Variants in LAMA2 observed in about 807,000 individuals in gnomAD.
LAMA2 encodes the protein laminin subunit alpha-2.
Under a neutral mutation model 364.8 loss-of-function variants are expected in LAMA2, and 269 were observed. The ratio of observed to expected loss-of-function variants is 0.74; its 90% CI spans 0.67 to 0.82. The LOEUF is 0.82. Ranked by LOEUF, LAMA2 falls within the 40% of genes least tolerant of loss-of-function variation. The pLI is 0.00. For synonymous variants in LAMA2, 1,379 were observed against 1,370.6 expected (o/e 1.01, Z -0.14); for missense variants, 3,807 against 3,873.2 (o/e 0.98, Z 0.45).
chr6:129,215,525 G>A (rs961523348), intron 12 of LAMA2, among the ~76,000 whole-genome samples: 1 of 152,054 alleles, frequency 6.6e-6, no homozygotes, highest in African/African-American at 2.4e-5. Flanking sequence ...CTTAAGCCCA[G>A]CTCATATCTA....
In LAMA2 at chr6:129,453,008, A is replaced by T. The variant is rs370601545; in HGVS notation, c.6450A>T (p.Ser2150=). The change falls in exon 46 of 65, where the codon TCA becomes TCT. Residue 2150 remains serine (S), a synonymous_variant. Transcript: ENST00000421865. Reference sequence around the variant, plus strand: ...TAAAGATCAAAGTATCTGTGTCTTCAGGAGGTGACTGCATTCGAACATACA... The same window carrying T: ...TAAAGATCAAAGTATCTGTGTCTTCTGGAGGTGACTGCATTCGAACATACA... ...QANSIKVSVS[S]GGDCIRTYKP... 7.3e-5 allele frequency: 117 copies of T among 1,612,804 alleles called. No homozygotes were observed. In the South Asian group the frequency reaches 1.2e-3, roughly 16 times the overall value.
chr6:128,979,799 G>A (rs1194228427), intron 1 of LAMA2, among the ~76,000 whole-genome samples: 1 of 152,156 alleles, frequency 6.6e-6, no homozygotes, highest in Non-Finnish European at 1.5e-5. Context: ...AACAGACTAA[G>A]GTGGATTTTG....
At chr6:129,057,672 CTG>C (rs1182625527) in intron 2 of LAMA2, among the ~76,000 whole-genome samples, 2 of 152,070 alleles carry the variant, frequency 1.3e-5, no homozygotes, top group African/African-American at 4.8e-5. Context: ...AATGATTTGT[CTG>C]TGGTCAGTTA....
At chr6:129,449,871 C>A (rs1030195324) in intron 45 of LAMA2, among the ~76,000 whole-genome samples, 2 of 146,876 alleles carry the variant, frequency 1.4e-5, no homozygotes, top group Non-Finnish European at 3.0e-5. Context: ...GGAGCAATCT[C>A]AGCTCACTGC....
chr6:129,205,493 T>TATATATATATATATATATATATACAC (rs1343472728), intron 12 of LAMA2, among the ~76,000 whole-genome samples: 17 of 104,254 alleles, frequency 1.6e-4, no homozygotes, highest in African/African-American at 7.7e-4. Context: ...TATATATATA[T>TATATATATATATATATATATATACAC]ACACACACAC....
At chr6:129,148,853 G>T in intron 6 of LAMA2, 126 bp from the exon 7 acceptor site, 1 of 784,008 alleles carries the variant, frequency 1.3e-6, no homozygotes, top group Admixed American at 1.7e-5. Flanking sequence ...TCCCAGGCTG[G>T]CTAGTTTTAC....
At chr6:129,135,064 T>C (rs1777702774) in intron 4 of LAMA2, among the ~76,000 whole-genome samples, 2 of 152,084 alleles carry the variant, frequency 1.3e-5, no homozygotes, top group African/African-American at 4.8e-5. Flanking sequence ...CGGTAAAAAG[T>C]CTACCCCAGG....
At chr6:129,246,359 T>A (rs1454747927) in intron 12 of LAMA2, among the ~76,000 whole-genome samples, 1 of 152,238 alleles carries the variant, frequency 6.6e-6, no homozygotes, top group East Asian at 1.9e-4. Flanking sequence ...TAGCATGTTC[T>A]AAGGTTTCAA....
In LAMA2 at chr6:129,328,235, T is replaced by G. The variant is rs111764887; in HGVS notation, c.4177-43T>G. ...AAGAGCTCAAGCGTTGCTAATGCAG[T>G]ATTTCTAACTTTGCTGTCCTAATTG... On this transcript the variant is annotated intron_variant, in intron 28 of 64. Coordinates refer to ENST00000421865, the MANE Select transcript of LAMA2 (RefSeq NM_000426.4). 6.3e-5 allele frequency: 97 copies of G among 1,544,948 alleles called. 1 individual carries two copies. The highest frequency in any genetic ancestry group is 5.7e-4 in the African/African-American group (42 of 73,674).
At chr6:129,188,777 T>C (rs1781370937) in intron 10 of LAMA2, among the ~76,000 whole-genome samples, 1 of 151,980 alleles carries the variant, frequency 6.6e-6, no homozygotes, top group Admixed American at 6.6e-5. Flanking sequence ...AAAAAGTTAA[T>C]TTAAAACAAA....
At chr6:128,923,893 A>C (rs145564159) in intron 1 of LAMA2, among the ~76,000 whole-genome samples, 1 of 152,122 alleles carries the variant, frequency 6.6e-6, no homozygotes, top group African/African-American at 2.4e-5. Flanking sequence ...TATGGTTGCT[A>C]TGGCAGAGGA....
intron 1 of LAMA2, among the ~76,000 whole-genome samples, chr6:128,965,512 T>C (rs9492163): frequency 0.011 from 1,694 of 152,170 alleles, 31 homozygotes; most frequent in African/African-American, 0.039. Context: ...TGAAAGATAA[T>C]TGGGATTTTT....
intron 30 of LAMA2, 32 bp downstream of exon 30, chr6:129,342,499 A>G: frequency 1.2e-6 from 2 of 1,607,462 alleles, no homozygotes; most frequent in Non-Finnish European, 1.7e-6. Context: ...ATATTTCCCA[A>G]TCAGAAACGC....
chr6:129,246,079 T>C (rs561090948), intron 12 of LAMA2, among the ~76,000 whole-genome samples: 4 of 151,434 alleles, frequency 2.6e-5, no homozygotes, highest in African/African-American at 9.8e-5. Context: ...AAAAAGAAAA[T>C]GGACAGAAAA....
intron 56 of LAMA2, among the ~76,000 whole-genome samples, chr6:129,487,416 A>C (rs796797009): frequency 2.4e-4 from 36 of 152,360 alleles, no homozygotes; most frequent in African/African-American, 8.2e-4. Context: ...GAGAAAAAAG[A>C]AACAGAAGCC....
At chr6:129,017,499 G>A (rs1276243208) in intron 1 of LAMA2, among the ~76,000 whole-genome samples, 2 of 151,460 alleles carry the variant, frequency 1.3e-5, no homozygotes, top group African/African-American at 4.8e-5. Context: ...TGTCAGATAC[G>A]ACAGGTGAAC....
chr6:128,940,951 C>A (rs1045754573), intron 1 of LAMA2, among the ~76,000 whole-genome samples: 4 of 151,882 alleles, frequency 2.6e-5, no homozygotes, highest in African/African-American at 9.7e-5. Context: ...AGCCTGTCCC[C>A]CCCAAAATTT....
At chr6:129,251,655 G>A (rs540976310) in intron 13 of LAMA2, among the ~76,000 whole-genome samples, 3 of 152,252 alleles carry the variant, frequency 2.0e-5, no homozygotes, top group Admixed American at 1.3e-4. Flanking sequence ...TACTAAGGCC[G>A]GGTGTGGTGG....
chr6:129,412,259 C>T (rs1393972394), intron 40 of LAMA2, among the ~76,000 whole-genome samples: 1 of 152,172 alleles, frequency 6.6e-6, no homozygotes, highest in South Asian at 2.1e-4. Context: ...TCTTCTTCTT[C>T]AGGGGACCTC....
Sources: gnomAD v4.1 joint callset for allele counts (sites outside exome capture counted in the v4.1 genomes callset) on GRCh38, gnomAD v4.1.1 for gene constraint, MANE v1.5 for transcripts, NCBI Gene and HGNC (gene_info 2026-07-23, HGNC 2026-07-21) for gene names.